The following PPP2R5E variants were observed in gnomAD, a reference collection of about 807,000 sequenced individuals.
PPP2R5E encodes the protein protein phosphatase 2 regulatory subunit B'epsilon, also known as serine/threonine-protein phosphatase 2A 56 kDa regulatory subunit epsilon isoform.
In PPP2R5E, 4 loss-of-function variants were observed where a neutral mutation model predicts 65.3. The ratio of observed to expected loss-of-function variants is 0.06; its 90% CI spans 0.03 to 0.14. The LOEUF is 0.14. Ranked by LOEUF, PPP2R5E falls within the 10% of genes least tolerant of loss-of-function variation. PPP2R5E has a pLI of 1.00. For missense variants in PPP2R5E, 274 were observed against 556.1 expected, an observed-to-expected ratio of 0.49 and a Z score of 5.10; for synonymous variants, 183 against 187.4, an observed-to-expected ratio of 0.98 and a Z score of 0.19.
At chr14:63,516,294 T>C (rs1351344363) in intron 2 of PPP2R5E, among the ~76,000 whole-genome samples, 1 of 152,174 alleles carries the variant, frequency 6.6e-6, no homozygotes, top group Non-Finnish European at 1.5e-5. Flanking sequence ...TTTTGGACAC[T>C]GTAATAACCA....
Position 63,510,512 on chromosome 14 carries a change from T to A in PPP2R5E, c.157+29017A>T, listed in dbSNP as rs547668677. Among the ~76,000 whole-genome samples, 3 of 152,356 alleles carry A rather than the reference T, an allele frequency of 2.0e-5. No individual in the cohort carries two copies. In the South Asian group the frequency reaches 6.2e-4, roughly 32 times the overall value. ...CAGAGACTGGTAAGCAAGAATGTTA[T>A]TTTATGTAGTGTATCATTGACAGCC... On this transcript the variant is annotated intron_variant, in intron 2 of 13. Coordinates refer to ENST00000337537, the MANE Select transcript of PPP2R5E (RefSeq NM_006246.5).
At chr14:63,492,876 C>G (rs542078411) in intron 2 of PPP2R5E, among the ~76,000 whole-genome samples, 1 of 152,222 alleles carries the variant, frequency 6.6e-6, no homozygotes, top group South Asian at 2.1e-4. Flanking sequence ...CTTATCAGAA[C>G]CAGAAATTGC....
In PPP2R5E at chr14:63,371,511, A is replaced by G. The variant is rs954770375; in HGVS notation, c.*4498T>C. ...GAAGAAAGCAAATCATTTCCAAAGA[A>G]AAACATTTTAAATTCCAAGTGTTTA... On this transcript the variant is annotated 3_prime_UTR_variant, in exon 14 of 14. Transcript: ENST00000337537. 2.0e-5 allele frequency: 3 copies of G among 152,238 alleles called. No individual in the cohort carries two copies. Among genetic ancestry groups the G allele is most frequent in the African/African-American group, 4.8e-5 (2 of 41,458 alleles). The allele number at this position is 152,238 out of a possible 1,614,324, so 9.4% of individuals were successfully genotyped here. A position where few individuals can be genotyped will look rare whatever the true frequency, so the allele number is the denominator to read the frequency against.
chr14:63,515,607 G>A (rs113215855), intron 2 of PPP2R5E, among the ~76,000 whole-genome samples: 1,815 of 151,058 alleles, frequency 0.012, 30 homozygotes, highest in African/African-American at 0.042. Context: ...TGCAACCTCC[G>A]CCTCCCGGAT....
intron 2 of PPP2R5E, among the ~76,000 whole-genome samples, chr14:63,485,893 G>C (rs74743854): frequency 0.031 from 4,394 of 143,736 alleles, 121 homozygotes; most frequent in East Asian, 0.11. Flanking sequence ...GCAGTGGTAC[G>C]ACCTCAGCTC....
intron 3 of PPP2R5E, among the ~76,000 whole-genome samples, chr14:63,439,423 A>G (rs944452842): frequency 1.3e-5 from 2 of 151,464 alleles, no homozygotes; most frequent in Admixed American, 6.6e-5. Flanking sequence ...TGCCCAGGCT[A>G]GAGTGCAATG....
intron 2 of PPP2R5E, among the ~76,000 whole-genome samples, chr14:63,473,551 T>C (rs1434058792): frequency 1.3e-5 from 2 of 152,112 alleles, no homozygotes; most frequent in Admixed American, 6.5e-5. Context: ...ACTAAAGATA[T>C]ACAAGAGTAA....
At chr14:63,455,281 C>T (rs530023971) in intron 2 of PPP2R5E, among the ~76,000 whole-genome samples, 6 of 152,292 alleles carry the variant, frequency 3.9e-5, no homozygotes, top group East Asian at 3.9e-4. Flanking sequence ...ATAGCTACCT[C>T]GGACCTCACA....
chr14:63,464,892 A>G (rs1889702796), intron 2 of PPP2R5E, among the ~76,000 whole-genome samples: 1 of 152,042 alleles, frequency 6.6e-6, no homozygotes, highest in Admixed American at 6.5e-5. Context: ...GTGTGGTGGC[A>G]TGTGTCTGTA....
chr14:63,418,020 AT>A (rs2139871038), intron 4 of PPP2R5E, among the ~76,000 whole-genome samples: 1 of 152,266 alleles, frequency 6.6e-6, no homozygotes, highest in East Asian at 1.9e-4. Flanking sequence ...TCACGTTAGC[AT>A]TTTACTTCCT....
chr14:63,540,582 G>A (rs1439946921), intron 1 of PPP2R5E, among the ~76,000 whole-genome samples: 1 of 151,242 alleles, frequency 6.6e-6, no homozygotes, highest in African/African-American at 2.4e-5. Flanking sequence ...AATTAGCCAG[G>A]CATGGTGGCG....
intron 3 of PPP2R5E, among the ~76,000 whole-genome samples, chr14:63,441,908 TAA>T (rs11291949): frequency 0.019 from 2,480 of 133,512 alleles, 61 homozygotes; most frequent in African/African-American, 0.059. Context: ...AGACTCCGTC[TAA>T]AAAAAAAAAA....
At chr14:63,430,420 T>C (rs956109782) in intron 3 of PPP2R5E, among the ~76,000 whole-genome samples, 5 of 151,794 alleles carry the variant, frequency 3.3e-5, no homozygotes, top group African/African-American at 9.7e-5. Flanking sequence ...CATACATACA[T>C]GCATACATAC....
At chr14:63,500,232 T>C (rs1333254224) in intron 2 of PPP2R5E, among the ~76,000 whole-genome samples, 1 of 152,238 alleles carries the variant, frequency 6.6e-6, no homozygotes, top group Non-Finnish European at 1.5e-5. Flanking sequence ...AAGCAACTTT[T>C]CTTGAAATTC....
intron 3 of PPP2R5E, chr14:63,453,337 G>T: frequency 6.3e-6 from 1 of 159,014 alleles, no homozygotes; most frequent in Non-Finnish European, 1.4e-5. Flanking sequence ...AAAAAAAAAA[G>T]ACATCCAACA....
At chr14:63,500,057 C>A (rs1294211945) in intron 2 of PPP2R5E, among the ~76,000 whole-genome samples, 1 of 152,172 alleles carries the variant, frequency 6.6e-6, no homozygotes, top group East Asian at 1.9e-4. Flanking sequence ...ATTTAACTAT[C>A]CTGCACATCA....
At chr14:63,528,217 T>C (rs529483386) in intron 2 of PPP2R5E, among the ~76,000 whole-genome samples, 1 of 152,334 alleles carries the variant, frequency 6.6e-6, no homozygotes, top group Non-Finnish European at 1.5e-5. Flanking sequence ...CAAAATCTAA[T>C]TACTATTATG....
chr14:63,437,627 CAG>C (rs1888008264), intron 3 of PPP2R5E, among the ~76,000 whole-genome samples: 1 of 152,004 alleles, frequency 6.6e-6, no homozygotes, highest in Non-Finnish European at 1.5e-5. Context: ...TGCCTTATTC[CAG>C]AGAGTGGTCT....
intron 3 of PPP2R5E, among the ~76,000 whole-genome samples, chr14:63,440,664 T>A (rs765379223): frequency 6.6e-6 from 1 of 151,054 alleles, no homozygotes; most frequent in Non-Finnish European, 1.5e-5. Context: ...CTGGGCCGGG[T>A]GCAGTGGCTC....
Sources: gnomAD v4.1 joint callset for allele counts (sites outside exome capture counted in the v4.1 genomes callset) on GRCh38, gnomAD v4.1.1 for gene constraint, MANE v1.5 for transcripts, NCBI Gene and HGNC (gene_info 2026-07-23, HGNC 2026-07-21) for gene names.